Variants in CTNNBL1 observed in about 807,000 individuals in gnomAD.
CTNNBL1 encodes beta-catenin-like protein 1.
A neutral mutation model predicts 72.7 loss-of-function variants in CTNNBL1; 31 were observed. That is an observed-to-expected ratio of 0.43 (90% CI 0.32 to 0.58). CTNNBL1 has a LOEUF of 0.58. Among genes scored for constraint, CTNNBL1 ranks in the 20% least tolerant of loss-of-function variants. The pLI, the probability that CTNNBL1 is intolerant of heterozygous loss-of-function variation, is 0.08. For missense variants in CTNNBL1, 534 were observed against 725.1 expected (o/e 0.74, Z 3.03); for synonymous variants, 240 against 267.3 (o/e 0.90, Z 1.00).
At chr20:37,761,780 T>C (rs978521352) in intron 5 of CTNNBL1, among the ~76,000 whole-genome samples, 1 of 152,148 alleles carries the variant, frequency 6.6e-6, no homozygotes, top group Non-Finnish European at 1.5e-5. Flanking sequence ...AGCTGGGAAG[T>C]CAGGTTGGAT....
At chr20:37,870,026 A>ACAG (rs1041173250) in intron 15 of CTNNBL1, among the ~76,000 whole-genome samples, 1 of 151,500 alleles carries the variant, frequency 6.6e-6, no homozygotes, top group Non-Finnish European at 1.5e-5. Context: ...AAAAAAAAAA[A>ACAG]CAGGGTGACC....
chr20:37,733,943 A>G (rs903578316), intron 2 of CTNNBL1, among the ~76,000 whole-genome samples: 42 of 152,224 alleles, frequency 2.8e-4, no homozygotes, highest in African/African-American at 1.0e-3. Context: ...GAATAAATGA[A>G]TGAAGCTGGG....
chr20:37,731,524 C>T (rs534179804), intron 1 of CTNNBL1, among the ~76,000 whole-genome samples: 19 of 152,262 alleles, frequency 1.2e-4, no homozygotes, highest in Admixed American at 6.5e-4. Flanking sequence ...TGTGAGCCAC[C>T]GCACCCGGCC....
chr20:37,755,855 G>A (rs1315458315), intron 4 of CTNNBL1, among the ~76,000 whole-genome samples: 2 of 152,146 alleles, frequency 1.3e-5, no homozygotes, highest in African/African-American at 4.8e-5. Flanking sequence ...CTGTCCACAT[G>A]GTGGCTCCTG....
At position 37,868,552 on chromosome 20, in the gene CTNNBL1, C is replaced by T. The variant is rs537424071; in HGVS notation, c.1604-3373C>T. Among the ~76,000 whole-genome samples, 10 of 152,342 alleles carry T rather than the reference C, an allele frequency of 6.6e-5. No individual in the cohort carries two copies. The East Asian group carries it at 9.7e-4, about 15-fold the overall frequency. On this transcript the variant is annotated intron_variant, in intron 15 of 15. Transcript: ENST00000361383. ...AGGCCCTCTTCCAGGGGACACTAAGCCATTCACTGCCTGTGGGCCAGTCGG... is the reference window on the plus strand; with the variant it reads ...AGGCCCTCTTCCAGGGGACACTAAGTCATTCACTGCCTGTGGGCCAGTCGG...
At chr20:37,858,026 TAC>T (rs927856756) in intron 13 of CTNNBL1, among the ~76,000 whole-genome samples, 3 of 152,152 alleles carry the variant, frequency 2.0e-5, no homozygotes, top group Admixed American at 2.0e-4. Flanking sequence ...ACCCTGTCTC[TAC>T]ACACACAAAA....
chr20:37,721,734 A>G (rs2073041980), intron 1 of CTNNBL1, among the ~76,000 whole-genome samples: 1 of 152,174 alleles, frequency 6.6e-6, no homozygotes, highest in Non-Finnish European at 1.5e-5. Flanking sequence ...ATTCTCATGT[A>G]CTTTTTTCTT....
intron 1 of CTNNBL1, among the ~76,000 whole-genome samples, chr20:37,727,589 A>AG: frequency 6.6e-6 from 1 of 152,380 alleles, no homozygotes; most frequent in East Asian, 1.9e-4. Context: ...TCCTGTGGGC[A>AG]GCAGAGGCAG....
chr20:37,716,607 C>T (rs2072988588), intron 1 of CTNNBL1, among the ~76,000 whole-genome samples: 1 of 152,140 alleles, frequency 6.6e-6, no homozygotes, highest in African/African-American at 2.4e-5. Flanking sequence ...GTGCATCTTA[C>T]ACAAAAGCAG....
At chr20:37,848,092 G>A (rs1054994908) in intron 13 of CTNNBL1, among the ~76,000 whole-genome samples, 6 of 150,680 alleles carry the variant, frequency 4.0e-5, no homozygotes, top group African/African-American at 1.5e-4. Flanking sequence ...TCTGGGGCAA[G>A]CTTTGAAAAA....
intron 11 of CTNNBL1, among the ~76,000 whole-genome samples, chr20:37,821,891 A>G (rs926419922): frequency 1.3e-5 from 2 of 152,160 alleles, no homozygotes. Flanking sequence ...AAACACACAC[A>G]TAAAAATTGC....
At chr20:37,822,400 A>G (rs2072116567) in intron 11 of CTNNBL1, among the ~76,000 whole-genome samples, 1 of 152,208 alleles carries the variant, frequency 6.6e-6, no homozygotes, top group Non-Finnish European at 1.5e-5. Flanking sequence ...AGCGGGCTGG[A>G]GAGCTCTTTC....
At chr20:37,777,900 C>T (rs910147895) in intron 9 of CTNNBL1, among the ~76,000 whole-genome samples, 188 bp downstream of exon 9, 8 of 152,128 alleles carry the variant, frequency 5.3e-5, no homozygotes, top group African/African-American at 1.9e-4. Flanking sequence ...TCTTTATGAC[C>T]AGACATCACT....
intron 1 of CTNNBL1, among the ~76,000 whole-genome samples, chr20:37,694,664 T>G (rs999187316): frequency 1.3e-5 from 2 of 152,196 alleles, no homozygotes; most frequent in African/African-American, 4.8e-5. Flanking sequence ...CCAACTGATA[T>G]GTATGAAAGC....
chr20:37,828,514 C>A (rs1445577208), intron 11 of CTNNBL1, among the ~76,000 whole-genome samples: 3 of 152,078 alleles, frequency 2.0e-5, no homozygotes, highest in African/African-American at 7.2e-5. Flanking sequence ...ATTTCTTTTG[C>A]CAACTGAGTC....
chr20:37,718,394 C>T lies in CTNNBL1; in HGVS notation c.31-14485C>T, dbSNP rs558531096. 1.1e-4 allele frequency among the ~76,000 whole-genome samples: 16 copies of T among 139,628 alleles called. No homozygotes were observed. The South Asian group carries it at 1.6e-3, about 14-fold the overall frequency. 91.6% of individuals were successfully genotyped at this position (139,628 alleles called of 152,430 possible). A position where few individuals can be genotyped will look rare whatever the true frequency, so the allele number is the denominator to read the frequency against. ...GGCACCCCTCACCTCCGGGACGGGG[C>T]GGCTGGCCGGGCGGGGGGCTGACCC... On this transcript the variant is annotated intron_variant, in intron 1 of 15. Transcript: ENST00000361383.
At chr20:37,725,020 C>A (rs1240152719) in intron 1 of CTNNBL1, among the ~76,000 whole-genome samples, 2 of 151,516 alleles carry the variant, frequency 1.3e-5, no homozygotes. Flanking sequence ...ATCCTCTCAC[C>A]TCAGCCTCCT....
intron 2 of CTNNBL1, among the ~76,000 whole-genome samples, chr20:37,736,174 G>A (rs994101275): frequency 3.3e-5 from 5 of 152,108 alleles, no homozygotes; most frequent in African/African-American, 1.2e-4. Flanking sequence ...AGGGTTCAAA[G>A]TACCTGTCTG....
chr20:37,752,734 C>A (rs924529920), intron 4 of CTNNBL1, among the ~76,000 whole-genome samples: 2 of 152,004 alleles, frequency 1.3e-5, no homozygotes, highest in Non-Finnish European at 2.9e-5. Context: ...TGTTATGGAC[C>A]ATTTCGTGCC....
Sources: allele counts gnomAD v4.1 joint callset (sites outside exome capture counted in the v4.1 genomes callset), GRCh38; gene constraint gnomAD v4.1.1; transcripts MANE v1.5; gene names NCBI Gene and HGNC (gene_info 2026-07-23, HGNC 2026-07-21).